ARK2C: variants seen among roughly 807,000 people sequenced by gnomAD.
ARK2C encodes E3 ubiquitin-protein ligase ARK2C.
the ARK2C span, among the ~76,000 whole-genome samples, chr18:46,345,163 G>T: frequency 2.7e-5 from 4 of 150,858 alleles, no homozygotes; most frequent in African/African-American, 1.0e-4. Context: ...AGAGGGATAG[G>T]GCAGCAAGGG....
chr18:46,364,516 A>G, the ARK2C span, among the ~76,000 whole-genome samples: 1 of 152,060 alleles, frequency 6.6e-6, no homozygotes, highest in African/African-American at 2.4e-5. Flanking sequence ...AGACAAGGTG[A>G]CTACCAGACA....
chr18:46,337,958 G>A, the ARK2C span, among the ~76,000 whole-genome samples: 1 of 152,134 alleles, frequency 6.6e-6, no homozygotes, highest in African/African-American at 2.4e-5. Context: ...TTGGCCGCCT[G>A]TGTACTCAGT....
the ARK2C span, among the ~76,000 whole-genome samples, chr18:46,371,377 G>A: frequency 2.0e-5 from 3 of 152,172 alleles, no homozygotes; most frequent in African/African-American, 7.2e-5. Context: ...AGGAAGCACA[G>A]CCCAGGCCAG....
the ARK2C span, among the ~76,000 whole-genome samples, chr18:46,415,210 G>C: frequency 1.3e-5 from 2 of 152,186 alleles, no homozygotes; most frequent in African/African-American, 2.4e-5. Context: ...CCCCAAGGCA[G>C]TGACCTTACC....
At chr18:46,381,913 T>G in the ARK2C span, among the ~76,000 whole-genome samples, 1 of 152,092 alleles carries the variant, frequency 6.6e-6, no homozygotes, top group Non-Finnish European at 1.5e-5. Flanking sequence ...TGGAGAGATG[T>G]GCGACTCCCT....
chr18:46,384,439 C>T, the ARK2C span, among the ~76,000 whole-genome samples: 4 of 152,176 alleles, frequency 2.6e-5, no homozygotes, highest in Non-Finnish European at 4.4e-5. Flanking sequence ...GCTTGGGAGG[C>T]CCCTCTTTCT....
At chr18:46,447,520 A>G in the ARK2C span, 1 of 1,612,994 alleles carries the variant, frequency 6.2e-7, no homozygotes, top group South Asian at 1.1e-5. Flanking sequence ...TAACCTGGCT[A>G]AATCACACCA....
the ARK2C span, among the ~76,000 whole-genome samples, chr18:46,418,590 G>A: frequency 9.5e-4 from 145 of 152,328 alleles, no homozygotes; most frequent in African/African-American, 3.4e-3. Flanking sequence ...GAACTAGATT[G>A]CAGTTCCACA....
the ARK2C span, among the ~76,000 whole-genome samples, chr18:46,401,674 C>G: frequency 4.6e-5 from 7 of 152,222 alleles, no homozygotes. Context: ...CAGCATGCTT[C>G]AGGCTGCTCG....
the ARK2C span, among the ~76,000 whole-genome samples, chr18:46,428,166 G>T: frequency 3.2e-4 from 49 of 152,034 alleles, no homozygotes; most frequent in East Asian, 3.7e-3. Flanking sequence ...ATCCCAGCAC[G>T]TTGGGAGGCC....
the ARK2C span, among the ~76,000 whole-genome samples, chr18:46,437,929 C>T: frequency 4.6e-3 from 697 of 152,338 alleles, 11 homozygotes; most frequent in East Asian, 0.036. Flanking sequence ...ATTGTCCTTT[C>T]CCCTCCGGGC....
the ARK2C span, among the ~76,000 whole-genome samples, chr18:46,365,728 C>T: frequency 6.6e-6 from 1 of 152,126 alleles, no homozygotes; most frequent in African/African-American, 2.4e-5. Context: ...TGGTCTTGAA[C>T]TCCTGACTTC....
chr18:46,435,324 G>A, the ARK2C span: 25 of 1,613,992 alleles, frequency 1.5e-5, no homozygotes, highest in African/African-American at 9.3e-5. Flanking sequence ...CACCCCCACC[G>A]CCTCCATCCC....
chr18:46,415,262 T>A, the ARK2C span, among the ~76,000 whole-genome samples: 17 of 152,220 alleles, frequency 1.1e-4, no homozygotes, highest in Non-Finnish European at 2.9e-5. Context: ...GGTTCACACC[T>A]GTAATCCCAA....
At chr18:46,387,946 C>T in the ARK2C span, among the ~76,000 whole-genome samples, 2 of 152,258 alleles carry the variant, frequency 1.3e-5, no homozygotes, top group Admixed American at 6.5e-5. Flanking sequence ...TTCAAGCCTA[C>T]AGGCAGCATC....
the ARK2C span, among the ~76,000 whole-genome samples, chr18:46,424,719 C>T: frequency 6.6e-6 from 1 of 152,220 alleles, no homozygotes; most frequent in Non-Finnish European, 1.5e-5. Flanking sequence ...AGCATCACTG[C>T]AGGTCACAAG....
the ARK2C span, chr18:46,461,167 G>C: frequency 2.6e-5 from 4 of 152,288 alleles, no homozygotes; most frequent in African/African-American, 9.6e-5. Context: ...TTTCAAATCT[G>C]CTCCATGACA....
the ARK2C span, chr18:46,386,175 C>T: frequency 1.2e-4 from 18 of 152,276 alleles, no homozygotes; most frequent in Admixed American, 1.1e-3. Flanking sequence ...CAGGGTTTCT[C>T]TTCCTCTGGC....
the ARK2C span, among the ~76,000 whole-genome samples, chr18:46,392,016 C>T: frequency 1.3e-5 from 2 of 151,734 alleles, no homozygotes; most frequent in Non-Finnish European, 2.9e-5. Context: ...GCACACAACA[C>T]ACACACCTTA....
Sources: gnomAD v4.1 joint callset for allele counts (sites outside exome capture counted in the v4.1 genomes callset) on GRCh38, gnomAD v4.1.1 for gene constraint, MANE v1.5 for transcripts, NCBI Gene and HGNC (gene_info 2026-07-23, HGNC 2026-07-21) for gene names.